SLC26A4: variants seen among roughly 807,000 people sequenced by gnomAD.
SLC26A4 encodes solute carrier family 26 member 4.
A neutral mutation model predicts 90.4 loss-of-function variants in SLC26A4; 93 were observed. That is an observed-to-expected ratio of 1.03 (90% confidence interval 0.87 to 1.22). The LOEUF (loss-of-function observed/expected upper bound fraction) is 1.22. SLC26A4 is among the 50% of genes most tolerant of loss of function. The probability of loss-of-function intolerance (pLI) is 0.00; values close to 1 mark genes in which losing one functional copy is unlikely to be tolerated. For synonymous variants in SLC26A4, 393 were observed against 354.6 expected (o/e 1.11, Z -1.22); for missense variants, 1,127 against 946.2 (o/e 1.19, Z -2.51).
intron 8 of SLC26A4, among the ~76,000 whole-genome samples, chr7:107,686,653 A>AATTTTTAT (rs1256023726): frequency 6.6e-6 from 1 of 151,664 alleles, no homozygotes; most frequent in East Asian, 1.9e-4. Context: ...ATGCCTGGCT[A>AATTTTTAT]ATTTTTAGTA....
chr7:107,673,004 T>C (rs1790916809), intron 4 of SLC26A4, among the ~76,000 whole-genome samples: 1 of 152,212 alleles, frequency 6.6e-6, no homozygotes, highest in Non-Finnish European at 1.5e-5. Flanking sequence ...CCCCAACCCA[T>C]GTTTTTGTCC....
At chr7:107,665,907 A>C (rs1790698116) in intron 3 of SLC26A4, among the ~76,000 whole-genome samples, 1 of 152,190 alleles carries the variant, frequency 6.6e-6, no homozygotes, top group Non-Finnish European at 1.5e-5. Context: ...CTTTTCTAGA[A>C]ACATTATCTC....
chr7:107,704,102 C>A (rs1238289263), intron 17 of SLC26A4, among the ~76,000 whole-genome samples: 1 of 152,200 alleles, frequency 6.6e-6, no homozygotes, highest in Non-Finnish European at 1.5e-5. Context: ...TCCACGCTAT[C>A]AAGTGCTGTG....
Position 107,672,144 on chromosome 7 carries a change from C to T in SLC26A4, c.311C>T (p.Ala104Val), listed in dbSNP as rs1203167658. ...TGLVATLQGM[A>V]YALLAAVPVG... ...ACTTTGCATGTGCTTTCAGGGATGG[C>T]ATATGCCCTACTAGCTGCAGTTCCT... is the stretch of plus-strand genomic sequence containing the variant. The change falls in exon 4 of 21, where the codon GCA becomes GTA. Residue 104 changes from alanine (A) to valine (V), a missense_variant. Transcript: ENST00000644269. The T allele has an allele frequency of 1.2e-6, 2 of 1,602,822 alleles. No individual in the cohort carries two copies. Among genetic ancestry groups the T allele is most frequent in the East Asian group, 2.2e-5 (1 of 44,754 alleles).
At chr7:107,665,191 G>T (rs1284902817) in intron 3 of SLC26A4, among the ~76,000 whole-genome samples, 1 of 152,162 alleles carries the variant, frequency 6.6e-6, no homozygotes, top group African/African-American at 2.4e-5. Context: ...GGTGGGGATG[G>T]CTTGAAAATA....
At chr7:107,664,077 G>A (rs1292671386) in intron 3 of SLC26A4, among the ~76,000 whole-genome samples, 1 of 151,928 alleles carries the variant, frequency 6.6e-6, no homozygotes, top group Non-Finnish European at 1.5e-5. Context: ...GTTACATCCT[G>A]ATATATACAT....
intron 14 of SLC26A4, 29 bp downstream of exon 14, chr7:107,698,140 A>T (rs1338577471): frequency 7.1e-7 from 1 of 1,412,884 alleles, no homozygotes; most frequent in South Asian, 1.1e-5. Context: ...CATTTGCTGG[A>T]CTTGGGTTTA....
At chr7:107,688,323 G>T (rs1024833851) in intron 8 of SLC26A4, among the ~76,000 whole-genome samples, 1 of 152,112 alleles carries the variant, frequency 6.6e-6, no homozygotes, top group African/African-American at 2.4e-5. Flanking sequence ...ATGGCTGGGG[G>T]CCTCTGGAAT....
chr7:107,661,512 G>A lies in SLC26A4; in HGVS notation c.-3-127G>A. Reference sequence around the variant, plus strand: ...GCCGAGGGCTGCAGGACGCGGACCAGACTCGCGGTGCAGGGGGGCCTGGCT... The same window carrying A: ...GCCGAGGGCTGCAGGACGCGGACCAAACTCGCGGTGCAGGGGGGCCTGGCT... On this transcript the variant is annotated intron_variant, in intron 1 of 20. Transcript: ENST00000644269. This position sits in a 1 kb window ranked among gnomAD's most constrained non-coding sequence, Gnocchi z 5.1. 1 of 1,095,662 alleles carries A rather than the reference G, an allele frequency of 9.1e-7. No homozygotes were observed. Among genetic ancestry groups the A allele is most frequent in the Non-Finnish European group, 1.3e-6 (1 of 753,950 alleles). 67.9% of individuals were successfully genotyped at this position (1,095,662 alleles called of 1,614,324 possible). A position where few individuals can be genotyped will look rare whatever the true frequency, so the allele number is the denominator to read the frequency against.
At chr7:107,686,466 C>CTTTT (rs1491273958) in intron 8 of SLC26A4, among the ~76,000 whole-genome samples, 1 of 57,234 alleles carries the variant, frequency 1.7e-5, no homozygotes, top group Non-Finnish European at 3.4e-5. Context: ...TTCTTTCTTT[C>CTTTT]CTTCTTTCTT....
rs121908365 is a variant in SLC26A4, at chr7:107,672,230, T to C, written c.397T>C (p.Ser133Pro). Residue 133 changes from serine (S) to proline (P), a missense_variant, in exon 4 of 21, where the codon TCA (serine) becomes CCA (proline). By Grantham distance (74) the Ser-to-Pro change is moderately conservative. Transcript: ENST00000644269. ...CCTGACATACTTTATCTTTGGAACA[T>C]CAAGACATATCTCAGTTGGTAATTA... is the stretch of plus-strand genomic sequence containing the variant. ...PILTYFIFGT[S>P]RHISVGPFPV... is the part of the protein sequence containing the mutation. The C allele has an allele frequency of 3.1e-6, 5 of 1,587,372 alleles. No individual in the cohort carries two copies. In the African/African-American group the frequency reaches 5.4e-5, roughly 17 times the overall value.
chr7:107,673,873 C>T (rs1007350730), intron 4 of SLC26A4, among the ~76,000 whole-genome samples: 11 of 151,920 alleles, frequency 7.2e-5, no homozygotes, highest in Admixed American at 7.2e-4. Context: ...GGACCATAGG[C>T]ACGCACCACC....
At chr7:107,671,284 T>G (rs896956273) in intron 3 of SLC26A4, among the ~76,000 whole-genome samples, 2 of 152,190 alleles carry the variant, frequency 1.3e-5, no homozygotes, top group African/African-American at 4.8e-5. Flanking sequence ...TGCCTCAGCC[T>G]CCTTAATAAC....
chr7:107,695,854 C>T (rs1327096914), intron 12 of SLC26A4, 79 bp from the exon 13 acceptor site: 3 of 821,922 alleles, frequency 3.6e-6, no homozygotes, highest in East Asian at 4.9e-5. Flanking sequence ...GATCATTGAT[C>T]TTATTTTTAT....
At chr7:107,693,929 G>A (rs1268798114) in intron 10 of SLC26A4, among the ~76,000 whole-genome samples, 7 of 152,208 alleles carry the variant, frequency 4.6e-5, no homozygotes, top group Non-Finnish European at 8.8e-5. Context: ...CAAGTACGAA[G>A]TGTTATCAGA....
At position 107,702,007 on chromosome 7, in the gene SLC26A4, T is replaced by G; in HGVS notation, c.1984T>G (p.Cys662Gly). 3 of 1,614,074 alleles carry G rather than the reference T, an allele frequency of 1.9e-6. No homozygotes were observed. Among genetic ancestry groups the G allele is most frequent in the Non-Finnish European group, 2.5e-6 (3 of 1,179,950 alleles). Reference protein sequence around the residue: ...KVPIHSLVLDCGAISFLDVVG... With the variant: ...KVPIHSLVLDGGAISFLDVVG... ...GCCAATCCATAGCCTTGTGCTTGAC[T>G]GTGGAGCTATATCTTTCCTGGACGT... The change falls in exon 17 of 21, where the codon TGT (cysteine) becomes GGT (glycine). Residue 662 changes from cysteine to glycine, a missense_variant. Physicochemically the swap from Cys to Gly is radical, Grantham distance 159. Coordinates refer to ENST00000644269, the MANE Select transcript of SLC26A4 (RefSeq NM_000441.2).
Position 107,674,178 on chromosome 7 carries a change from G to C in SLC26A4, c.430G>C (p.Val144Leu), listed in dbSNP as rs1364278790. ...RHISVGPFPV[V>L]SLMVGSVVLS... ...TTTTTCCCCAGGACCTTTTCCAGTG[G>C]TGAGTTTAATGGTGGGATCTGTTGT... The change falls in exon 5 of 21, where the codon GTG becomes CTG. Residue 144 changes from valine to leucine, a missense_variant. Val to Leu is a conservative substitution (Grantham distance 32). Transcript: ENST00000644269. 6.2e-7 allele frequency: 1 copy of C among 1,614,014 alleles called. No homozygotes were observed. Among genetic ancestry groups the C allele is most frequent in the Non-Finnish European group, 8.5e-7 (1 of 1,179,964 alleles).
rs1156921093 is a variant in SLC26A4, at chr7:107,717,323, G to T, written c.*1877G>T. 7.0e-6 allele frequency: 1 copy of T among 142,588 alleles called. No individual in the cohort carries two copies. Among genetic ancestry groups the T allele is most frequent in the Non-Finnish European group, 1.5e-5 (1 of 67,032 alleles). The allele number at this position is 142,588 out of a possible 1,614,324, so 8.8% of individuals were successfully genotyped here. On this transcript the variant is annotated 3_prime_UTR_variant, in exon 21 of 21. Transcript: ENST00000644269. ...GGAGCTTGCAGTGAGCCGAGGTCGTGCCACTGCACTCCAGCCTGGGCGACA... is the reference window on the plus strand; with the variant it reads ...GGAGCTTGCAGTGAGCCGAGGTCGTTCCACTGCACTCCAGCCTGGGCGACA...
chr7:107,702,131 G>T, intron 17 of SLC26A4, 74 bp downstream of exon 17: 3 of 917,142 alleles, frequency 3.3e-6, no homozygotes, highest in Non-Finnish European at 5.4e-6. Context: ...GTCCAGTATT[G>T]CAACAGGGCA....
Sources: allele counts gnomAD v4.1 joint callset (sites outside exome capture counted in the v4.1 genomes callset), GRCh38; gene constraint gnomAD v4.1.1; non-coding constraint Gnocchi (gnomAD v3.1); transcripts MANE v1.5; gene names NCBI Gene and HGNC (gene_info 2026-07-23, HGNC 2026-07-21).